Variants in RAP1GAP2 observed in about 807,000 individuals in gnomAD.
RAP1GAP2 encodes the protein RAP1 GTPase activating protein 2.
RAP1GAP2 carries 27 observed loss-of-function variants against 95.0 expected under a neutral mutation model. The ratio of observed to expected loss-of-function variants is 0.28; its 90% CI spans 0.21 to 0.39. The LOEUF is 0.39. Ranked by LOEUF, RAP1GAP2 falls within the 10% of genes least tolerant of loss-of-function variation. The pLI, the probability that RAP1GAP2 is intolerant of heterozygous loss-of-function variation, is 1.00. For missense variants in RAP1GAP2, 771 were observed against 970.0 expected, an observed-to-expected ratio of 0.79 and a Z score of 2.72; for synonymous variants, 373 against 380.9, an observed-to-expected ratio of 0.98 and a Z score of 0.24.
intron 1 of RAP1GAP2, chr17:2,800,118 C>T (rs920659847): frequency 8.0e-5 from 69 of 864,488 alleles, no homozygotes; most frequent in Middle Eastern, 5.9e-4. Flanking sequence ...GATTGACATC[C>T]GTGCTGACCC....
intron 3 of RAP1GAP2, among the ~76,000 whole-genome samples, chr17:2,944,997 C>T (rs1015430630): frequency 2.6e-5 from 4 of 152,154 alleles, no homozygotes; most frequent in African/African-American, 9.7e-5. Flanking sequence ...ATTCTCCTGC[C>T]TCAGTAGCTG....
chr17:2,982,017 G>A (rs1279358935), intron 10 of RAP1GAP2, among the ~76,000 whole-genome samples: 1 of 152,222 alleles, frequency 6.6e-6, no homozygotes, highest in Non-Finnish European at 1.5e-5. Context: ...CAGCGGCTGA[G>A]GCCTGCTGGG....
chr17:2,871,885 C>T lies in RAP1GAP2; in HGVS notation c.81-33399C>T, dbSNP rs2072860767. Among the ~76,000 whole-genome samples, 1 of 152,122 alleles carries T rather than the reference C, an allele frequency of 6.6e-6. No homozygotes were observed. The highest frequency in any genetic ancestry group is 2.4e-5 in the African/African-American group (1 of 41,430). On this transcript the variant is annotated intron_variant, in intron 2 of 24. Coordinates refer to ENST00000254695, the MANE Select transcript of RAP1GAP2 (RefSeq NM_015085.5). The surrounding 1 kb of genome is among the most constrained non-coding windows in gnomAD (Gnocchi z 5.0). ...CAAATCCCTATTCATAGTGAACTGG[C>T]TGCCTAAATTATTTCACATTCATAC... is the stretch of plus-strand genomic sequence containing the variant.
chr17:2,847,111 C>T (rs11649853), intron 2 of RAP1GAP2, among the ~76,000 whole-genome samples: 22,784 of 151,980 alleles, frequency 0.15, 1,897 homozygotes, highest in East Asian at 0.19. Context: ...CTGGTTCACG[C>T]GATTCTCCTG....
intron 3 of RAP1GAP2, among the ~76,000 whole-genome samples, chr17:2,916,781 C>T (rs925644164): frequency 1.3e-5 from 2 of 152,176 alleles, no homozygotes; most frequent in Non-Finnish European, 2.9e-5. Flanking sequence ...GAGTGAGATG[C>T]AGATGCCCTT....
intron 19 of RAP1GAP2, 78 bp from the exon 20 acceptor site, chr17:3,025,930 G>A: frequency 9.2e-7 from 1 of 1,091,812 alleles, no homozygotes; most frequent in Non-Finnish European, 1.4e-6. Flanking sequence ...TGCCGAGAGA[G>A]GCTCTGCCTG....
intron 3 of RAP1GAP2, among the ~76,000 whole-genome samples, chr17:2,952,612 T>C (rs529769671): frequency 1.3e-5 from 2 of 152,312 alleles, no homozygotes; most frequent in African/African-American, 4.8e-5. Flanking sequence ...GTGGCTGTAC[T>C]GTTTCTCATT....
intron 2 of RAP1GAP2, among the ~76,000 whole-genome samples, chr17:2,889,601 C>CT (rs1298321560): frequency 6.6e-6 from 1 of 151,634 alleles, no homozygotes; most frequent in Non-Finnish European, 1.5e-5. Context: ...TTGCAGGTAT[C>CT]TTGTCCTTTC....
chr17:2,808,576 GC>G (rs1459164551), intron 2 of RAP1GAP2, among the ~76,000 whole-genome samples: 2 of 152,202 alleles, frequency 1.3e-5, no homozygotes, highest in Admixed American at 6.5e-5. Flanking sequence ...CCCCTCGCTG[GC>G]CCGGCTCGGC....
chr17:3,026,268 C>T (rs968022064), intron 20 of RAP1GAP2, 82 bp from the exon 21 acceptor site: 16 of 1,363,756 alleles, frequency 1.2e-5, no homozygotes, highest in Non-Finnish European at 1.5e-5. Flanking sequence ...CGTGGGGAGC[C>T]GCCAGAGGTC....
At chr17:2,767,903 C>T (rs532607993) in intron 1 of RAP1GAP2, among the ~76,000 whole-genome samples, 148 of 152,034 alleles carry the variant, frequency 9.7e-4, no homozygotes, top group African/African-American at 3.4e-3. Flanking sequence ...CAGCTAATTT[C>T]TTTTGTATTT....
Position 3,029,785 on chromosome 17 carries a change from C to T in RAP1GAP2, c.2108-1137C>T, listed in dbSNP as rs558837540. The stretch of plus-strand genomic sequence containing the variant: ...GGGGCACAGCGGGAAATGTTGACAC[C>T]GGGCTCTGCCACCACTCACACACAC... On this transcript the variant is annotated intron_variant, in intron 22 of 24. Transcript: ENST00000254695. The surrounding 1 kb of genome is among the most constrained non-coding windows in gnomAD (Gnocchi z 4.4). Among the ~76,000 whole-genome samples, 7 of 152,158 alleles carry T rather than the reference C, an allele frequency of 4.6e-5. No individual in the cohort carries two copies. Among genetic ancestry groups the T allele is most frequent in the East Asian group, 1.9e-4 (1 of 5,184 alleles).
intron 3 of RAP1GAP2, among the ~76,000 whole-genome samples, chr17:2,955,639 T>C (rs1316582455): frequency 1.3e-5 from 2 of 152,248 alleles, no homozygotes; most frequent in Non-Finnish European, 2.9e-5. Context: ...TGGTAGAATT[T>C]ACAAATGAAG....
At chr17:2,905,184 G>A (rs181184841) in intron 2 of RAP1GAP2, 100 bp from the exon 3 acceptor site, 69 of 1,123,994 alleles carry the variant, frequency 6.1e-5, no homozygotes, top group East Asian at 5.0e-4. Flanking sequence ...AACCCAGCCT[G>A]CATTGTATGT....
upstream of RAP1GAP2, among the ~76,000 whole-genome samples, chr17:2,776,779 T>C (rs139217585): frequency 0.19 from 28,314 of 147,148 alleles, 2,701 homozygotes; most frequent in East Asian, 0.22. Flanking sequence ...CCGGCCGGGG[T>C]GCGCGCGTGC....
intron 11 of RAP1GAP2, among the ~76,000 whole-genome samples, chr17:2,990,845 C>CTTTT (rs34075979): frequency 7.8e-6 from 1 of 128,774 alleles, no homozygotes; most frequent in African/African-American, 2.9e-5. Context: ...GTTCTTTATT[C>CTTTT]TTTTTTTTTT....
intron 8 of RAP1GAP2, among the ~76,000 whole-genome samples, chr17:2,980,086 A>C (rs1293229127): frequency 6.6e-6 from 1 of 151,882 alleles, no homozygotes; most frequent in Non-Finnish European, 1.5e-5. Flanking sequence ...GATTACAGGC[A>C]TCCGCCACCA....
intron 2 of RAP1GAP2, among the ~76,000 whole-genome samples, chr17:2,810,522 CTT>C (rs1169922962): frequency 1.4e-3 from 96 of 69,390 alleles, no homozygotes; most frequent in African/African-American, 5.4e-3. Context: ...TCCCCCCACC[CTT>C]TTTTTTTTTT....
chr17:2,936,833 A>G (rs2043324584), intron 3 of RAP1GAP2, among the ~76,000 whole-genome samples: 1 of 152,174 alleles, frequency 6.6e-6, no homozygotes, highest in South Asian at 2.1e-4. Context: ...GCGCCCAGGC[A>G]GCTGTGGGCT....
Sources: allele counts gnomAD v4.1 joint callset (sites outside exome capture counted in the v4.1 genomes callset), GRCh38; gene constraint gnomAD v4.1.1; non-coding constraint Gnocchi (gnomAD v3.1); transcripts MANE v1.5; gene names NCBI Gene and HGNC (gene_info 2026-07-23, HGNC 2026-07-21).